DVL3: variants seen among roughly 807,000 people sequenced by gnomAD.
DVL3 encodes the protein dishevelled segment polarity protein 3.
DVL3 carries 27 observed loss-of-function variants against 67.4 expected under a neutral mutation model. The ratio of observed to expected loss-of-function variants is 0.40; its 90% CI spans 0.30 to 0.55. DVL3 has a LOEUF of 0.55. DVL3 is among the 20% of genes least tolerant of loss of function. DVL3 has a pLI of 0.46. For missense variants in DVL3, 819 were observed against 1,021.5 expected (o/e 0.80, Z 2.70); for synonymous variants, 369 against 396.8 (o/e 0.93, Z 0.83).
chr3:184,170,877 G>A lies in DVL3; in HGVS notation c.*122G>A. 1 of 1,550,248 alleles carries A rather than the reference G, an allele frequency of 6.5e-7. No homozygotes were observed. Among genetic ancestry groups the A allele is most frequent in the Non-Finnish European group, 8.7e-7 (1 of 1,147,354 alleles). On this transcript the variant is annotated 3_prime_UTR_variant, in exon 15 of 15. Coordinates refer to ENST00000313143, the MANE Select transcript of DVL3 (RefSeq NM_004423.4). The surrounding 1 kb of genome is among the most constrained non-coding windows in gnomAD (Gnocchi z 6.5). Reference sequence around the variant, plus strand: ...AGGGAAATAAAAGGAACTAAATCCAGGTGCGCTAACTGCTCGCAGGGTGCT... The same window carrying A: ...AGGGAAATAAAAGGAACTAAATCCAAGTGCGCTAACTGCTCGCAGGGTGCT...
chr3:184,171,458 T>G lies in DVL3; in HGVS notation c.*703T>G. 1 of 987,302 alleles carries G rather than the reference T, an allele frequency of 1.0e-6. No individual in the cohort carries two copies. Among genetic ancestry groups the G allele is most frequent in the Non-Finnish European group, 1.2e-6 (1 of 831,084 alleles). The allele number at this position is 987,302 out of a possible 1,614,324, so 61.2% of individuals were successfully genotyped here. On this transcript the variant is annotated 3_prime_UTR_variant, in exon 15 of 15. Coordinates refer to ENST00000313143, the MANE Select transcript of DVL3 (RefSeq NM_004423.4). ...CCCCATGCCTGCCCTGCGTGCTGGT[T>G]CCTTCAGACCCCTAACCCTACTAAC...
At chr3:184,159,706 A>G (rs559669401) in intron 1 of DVL3, among the ~76,000 whole-genome samples, 4 of 152,062 alleles carry the variant, frequency 2.6e-5, no homozygotes, top group African/African-American at 9.6e-5. Flanking sequence ...CACTCAGCAG[A>G]TGTCTATCCA....
chr3:184,168,027 C>G lies in DVL3; in HGVS notation c.1460C>G (p.Ser487Cys). The G allele has an allele frequency of 6.2e-7, 1 of 1,614,276 alleles. No individual in the cohort carries two copies. The change falls in exon 13 of 15, where the codon TCC becomes TGC. Residue 487 changes from serine (S) to cysteine (C), a missense_variant. Transcript: ENST00000313143. ...CATACCGTCAACAAGATCACCTTCT[C>G]CGAGCAGTGCTACTACATCTTCGGT... Reference protein sequence around the residue: ...IRHTVNKITFSEQCYYIFGDL... With the variant: ...IRHTVNKITFCEQCYYIFGDL...
At position 184,170,572 on chromosome 3, in the gene DVL3, C is replaced by A. The variant is rs1467757821; in HGVS notation, c.1968C>A (p.Pro656=). 3.7e-6 allele frequency: 6 copies of A among 1,612,456 alleles called. No homozygotes were observed. Among genetic ancestry groups the A allele is most frequent in the Non-Finnish European group, 4.2e-6 (5 of 1,179,136 alleles). ...SHHTHPSYGP[P]GVPPLYGPPM... is the part of the protein sequence containing the mutation. ...ACACACACCCGAGCTACGGTCCTCC[C>A]GGAGTGCCCCCTCTCTACGGCCCCC... The change falls in exon 15 of 15, where the codon CCC becomes CCA. Residue 656 remains proline, a synonymous_variant. Coordinates refer to ENST00000313143, the MANE Select transcript of DVL3 (RefSeq NM_004423.4). The surrounding 1 kb of genome is among the most constrained non-coding windows in gnomAD (Gnocchi z 6.5).
In DVL3 at chr3:184,164,470, C is replaced by T. The variant is rs1353041038; in HGVS notation, c.354-22C>T. ...GGGAGCCCCCAGCCTGCCCCCTCCC[C>T]CATCAAGTCTCTTCCCTGCAGCCCT... On this transcript the variant is annotated intron_variant, in intron 3 of 14. Transcript: ENST00000313143. This position sits in a 1 kb window ranked among gnomAD's most constrained non-coding sequence, Gnocchi z 5.3. 1.2e-6 allele frequency: 2 copies of T among 1,600,766 alleles called. No homozygotes were observed. Among genetic ancestry groups the T allele is most frequent in the African/African-American group, 1.3e-5 (1 of 74,518 alleles).
At position 184,170,008 on chromosome 3, in the gene DVL3, A is replaced by G. The variant is rs769382502; in HGVS notation, c.1501A>G (p.Met501Val). The G allele has an allele frequency of 2.5e-6, 4 of 1,602,224 alleles. No homozygotes were observed. Among genetic ancestry groups the G allele is most frequent in the Non-Finnish European group, 2.6e-6 (3 of 1,171,896 alleles). ...YYIFGDLCGN[M>V]ANLSLHDHDG... ...CCATCCGGCCCTCCCCTTCACAGACATGGCCAACCTGTCTCTCCACGATCA... is the reference window on the plus strand; with the variant it reads ...CCATCCGGCCCTCCCCTTCACAGACGTGGCCAACCTGTCTCTCCACGATCA... The change falls in exon 14 of 15, where the codon ATG becomes GTG. Residue 501 changes from methionine to valine, a missense_variant and splice_region_variant. Coordinates refer to ENST00000313143, the MANE Select transcript of DVL3 (RefSeq NM_004423.4). This position sits in a 1 kb window ranked among gnomAD's most constrained non-coding sequence, Gnocchi z 6.5.
rs1714764603 is a variant in DVL3 at position 184,170,188 on chromosome 3, G to A, written c.1681G>A (p.Gly561Ser). ...PGFPELGYSY[G>S]GGSASSQHSE... ...CTTCCCGGAGCTGGGCTACAGCTAC[G>A]GCGGGGGCAGCGCCAGCAGTCAGCA... The change falls in exon 14 of 15, where the codon GGC becomes AGC. Residue 561 changes from glycine (G) to serine (S), a missense_variant. Transcript: ENST00000313143. This position sits in a 1 kb window ranked among gnomAD's most constrained non-coding sequence, Gnocchi z 6.5. 6.2e-7 allele frequency: 1 copy of A among 1,611,626 alleles called. No homozygotes were observed. Among genetic ancestry groups the A allele is most frequent in the Non-Finnish European group, 8.5e-7 (1 of 1,179,770 alleles).
Position 184,171,164 on chromosome 3 carries a change from A to G in DVL3, c.*409A>G, listed in dbSNP as rs1714823490. 3.5e-6 allele frequency: 4 copies of G among 1,156,416 alleles called. No individual in the cohort carries two copies. The highest frequency in any genetic ancestry group is 3.2e-6 in the Non-Finnish European group (3 of 929,830). The allele number at this position is 1,156,416 out of a possible 1,614,324, so 71.6% of individuals were successfully genotyped here. A position where few individuals can be genotyped will look rare whatever the true frequency, so the allele number is the denominator to read the frequency against. ...GCTCCCTTTCACCATTTATTCAGCT[A>G]CATCATCCCTCTATTAACCCCACCC... On this transcript the variant is annotated 3_prime_UTR_variant, in exon 15 of 15. Coordinates refer to ENST00000313143, the MANE Select transcript of DVL3 (RefSeq NM_004423.4).
rs957674937 is a variant in DVL3, at chr3:184,165,310, G to A, written c.693+104G>A. On this transcript the variant is annotated intron_variant, in intron 6 of 14. Transcript: ENST00000313143. The surrounding 1 kb of genome is among the most constrained non-coding windows in gnomAD (Gnocchi z 4.1). ...TTAGATCCCATCCCCCTAGTGCAGTGTTGAGAACCTTGGGGCTGGGGGCTG... is the reference window on the plus strand; with the variant it reads ...TTAGATCCCATCCCCCTAGTGCAGTATTGAGAACCTTGGGGCTGGGGGCTG... 8 of 1,541,824 alleles carry A rather than the reference G, an allele frequency of 5.2e-6. No individual in the cohort carries two copies. Among genetic ancestry groups the A allele is most frequent in the Admixed American group, 1.8e-5 (1 of 56,128 alleles).
At position 184,165,798 on chromosome 3, in the gene DVL3, CTCTT is replaced by C. The variant is rs1469823547; in HGVS notation, c.763+309_763+312del. Among the ~76,000 whole-genome samples, 1 of 152,224 alleles carries C rather than the reference CTCTT, an allele frequency of 6.6e-6. No homozygotes were observed. On this transcript the variant is annotated intron_variant, in intron 7 of 14. Transcript: ENST00000313143. This position sits in a 1 kb window ranked among gnomAD's most constrained non-coding sequence, Gnocchi z 4.1. ...CTCTCCGATTTCTGCCCTAGGTACT[CTCTT>C]TATGAGACAGCTGGATATAGTAAAA...
At position 184,164,716 on chromosome 3, in the gene DVL3, G is replaced by T. The variant is rs1360243157; in HGVS notation, c.464-80G>T. On this transcript the variant is annotated intron_variant, in intron 4 of 14. Transcript: ENST00000313143. This position sits in a 1 kb window ranked among gnomAD's most constrained non-coding sequence, Gnocchi z 5.3. ...AGCTCAGGATATGCCTGGCCCCAGT[G>T]CAGCCCCTGGCTTGCCTCTCTCCCT... 2 of 1,600,564 alleles carry T rather than the reference G, an allele frequency of 1.2e-6. No individual in the cohort carries two copies. The highest frequency in any genetic ancestry group is 1.7e-6 in the Non-Finnish European group (2 of 1,172,186).
Position 184,164,213 on chromosome 3 carries a change from C to G in DVL3, c.232-54C>G, listed in dbSNP as rs563732436. On this transcript the variant is annotated intron_variant, in intron 2 of 14. Coordinates refer to ENST00000313143, the MANE Select transcript of DVL3 (RefSeq NM_004423.4). This position sits in a 1 kb window ranked among gnomAD's most constrained non-coding sequence, Gnocchi z 5.3. ...CATGCCTTGCTGGAAGTGAACTATC[C>G]CCTTCTCCTTGATGCTCCTGTAACA... 3 of 1,592,990 alleles carry G rather than the reference C, an allele frequency of 1.9e-6. No individual in the cohort carries two copies. The South Asian group carries it at 3.4e-5, about 18-fold the overall frequency.
chr3:184,161,287 C>T (rs2109019544), intron 1 of DVL3, among the ~76,000 whole-genome samples: 1 of 152,226 alleles, frequency 6.6e-6, no homozygotes, highest in South Asian at 2.1e-4. Flanking sequence ...ATTAGCCAGG[C>T]GTGGTGGCAG....
At position 184,170,285 on chromosome 3, in the gene DVL3, C is replaced by T. The variant is rs377671923; in HGVS notation, c.1715-34C>T. 1.3e-4 allele frequency: 209 copies of T among 1,592,368 alleles called. No homozygotes were observed. In the Middle Eastern group the frequency reaches 3.3e-3, roughly 25 times the overall value. On this transcript the variant is annotated intron_variant, in intron 14 of 14. Transcript: ENST00000313143. The surrounding 1 kb of genome is among the most constrained non-coding windows in gnomAD (Gnocchi z 6.5). ...CCCCAGGCTTCCCCCGCCCGCTCAG[C>T]CTGCCCCACCCCGGCCCTGTTTGCC...
chr3:184,167,710 C>T lies in DVL3; in HGVS notation c.1329C>T (p.Ile443=), dbSNP rs760017353. The change falls in exon 12 of 15, where the codon ATC becomes ATT. Residue 443 remains isoleucine, a splice_region_variant and synonymous_variant. Transcript: ENST00000313143. This position sits in a 1 kb window ranked among gnomAD's most constrained non-coding sequence, Gnocchi z 4.6. Reference sequence around the variant, plus strand: ...AGATTACCATCCCTAATGCTTTCATCGGTGAGAGAGCCCCATGGTGGGATG... The same window carrying T: ...AGATTACCATCCCTAATGCTTTCATTGGTGAGAGAGCCCCATGGTGGGATG... The part of the protein sequence containing the change: ...WLKITIPNAF[I]GSDVVDWLYH... 2.7e-5 allele frequency: 37 copies of T among 1,394,614 alleles called. No homozygotes were observed. The highest frequency in any genetic ancestry group is 3.0e-5 in the East Asian group (1 of 33,844). 86.4% of individuals were successfully genotyped at this position (1,394,614 alleles called of 1,614,324 possible). A position where few individuals can be genotyped will look rare whatever the true frequency, so the allele number is the denominator to read the frequency against.
chr3:184,160,243 G>C (rs985157544), intron 1 of DVL3, among the ~76,000 whole-genome samples: 4 of 151,934 alleles, frequency 2.6e-5, no homozygotes, highest in African/African-American at 9.7e-5. Flanking sequence ...GAGCCACCGT[G>C]CCCTGCCAGT....
At position 184,167,027 on chromosome 3, in the gene DVL3, G is replaced by T. The variant is rs531523736; in HGVS notation, c.1198+52G>T. 3,578 of 1,597,084 alleles carry T rather than the reference G, an allele frequency of 2.2e-3. 10 individuals carry two copies. Among genetic ancestry groups the T allele is most frequent in the Non-Finnish European group, 2.8e-3 (3,287 of 1,168,550 alleles). ...CCCAGCAGACAGGGCCAGGTGGGGG[G>T]ACTGATGAGGGTCCATGTGGAGACT... On this transcript the variant is annotated intron_variant, in intron 11 of 14. Transcript: ENST00000313143. This position sits in a 1 kb window ranked among gnomAD's most constrained non-coding sequence, Gnocchi z 4.6.
chr3:184,162,339 G>A (rs950746217), intron 1 of DVL3, among the ~76,000 whole-genome samples: 6 of 151,760 alleles, frequency 4.0e-5, no homozygotes, highest in Non-Finnish European at 7.4e-5. Context: ...TACCACGCTC[G>A]GCTAATTTTT....
At position 184,171,682 on chromosome 3, in the gene DVL3, G is replaced by A; in HGVS notation, c.*927G>A. The A allele has an allele frequency of 1.2e-6, 1 of 801,942 alleles. No individual in the cohort carries two copies. The highest frequency in any genetic ancestry group is 1.9e-5 in the African/African-American group (1 of 53,620). The allele number at this position is 801,942 out of a possible 1,614,324, so 49.7% of individuals were successfully genotyped here. On this transcript the variant is annotated 3_prime_UTR_variant, in exon 15 of 15. Coordinates refer to ENST00000313143, the MANE Select transcript of DVL3 (RefSeq NM_004423.4). ...CCTCAGGGCTTCCCAAGGATGTCCAGCCCCCACACCCACACGTTAACATAA... is the reference window on the plus strand; with the variant it reads ...CCTCAGGGCTTCCCAAGGATGTCCAACCCCCACACCCACACGTTAACATAA...
Sources: allele counts gnomAD v4.1 joint callset (sites outside exome capture counted in the v4.1 genomes callset), GRCh38; gene constraint gnomAD v4.1.1; non-coding constraint Gnocchi (gnomAD v3.1); transcripts MANE v1.5; gene names NCBI Gene and HGNC (gene_info 2026-07-23, HGNC 2026-07-21).